MCF2L2: variants seen among roughly 807,000 people sequenced by gnomAD.
MCF2L2 encodes the protein probable guanine nucleotide exchange factor MCF2L2.
MCF2L2 carries 102 observed loss-of-function variants against 150.2 expected under a neutral mutation model. The ratio of observed to expected loss-of-function variants is 0.68; its 90% CI spans 0.58 to 0.80. The LOEUF is 0.80. Among genes scored for constraint, MCF2L2 ranks in the 30% least tolerant of loss-of-function variants. MCF2L2 has a pLI of 0.00. For synonymous variants in MCF2L2, 465 were observed against 491.3 expected (o/e 0.95, Z 0.71); for missense variants, 1,256 against 1,372.8 (o/e 0.91, Z 1.34).
chr3:183,195,399 T>C lies in MCF2L2; in HGVS notation c.2885-144A>G. 3 of 587,328 alleles carry C rather than the reference T, an allele frequency of 5.1e-6. No individual in the cohort carries two copies. In the East Asian group the frequency reaches 9.6e-5, roughly 19 times the overall value. 36.4% of individuals were successfully genotyped at this position (587,328 alleles called of 1,614,324 possible). A position where few individuals can be genotyped will look rare whatever the true frequency, so the allele number is the denominator to read the frequency against. On this transcript the variant is annotated intron_variant, in intron 25 of 29. Coordinates refer to ENST00000328913, the MANE Select transcript of MCF2L2 (RefSeq NM_015078.4). ...AGGTGTGTAGGTCTTGATCATATTTTCCCAGGAATTCAGAAAACGCTGCTA... is the reference window on the plus strand; with the variant it reads ...AGGTGTGTAGGTCTTGATCATATTTCCCCAGGAATTCAGAAAACGCTGCTA...
At chr3:183,323,116 A>G (rs1729879759) in intron 6 of MCF2L2, 119 bp downstream of exon 6, 2 of 643,890 alleles carry the variant, frequency 3.1e-6, no homozygotes, top group East Asian at 2.8e-5. Context: ...AGAAATCCCA[A>G]CCACCCCAAG....
intron 3 of MCF2L2, among the ~76,000 whole-genome samples, chr3:183,359,576 T>C (rs1340020441): frequency 6.6e-6 from 1 of 152,248 alleles, no homozygotes; most frequent in Non-Finnish European, 1.5e-5. Flanking sequence ...TTATGTCATG[T>C]ATTTTCCCCC....
At chr3:183,272,020 AAT>A (rs1726822671) in intron 15 of MCF2L2, 1 of 444,370 alleles carries the variant, frequency 2.3e-6, no homozygotes, top group Non-Finnish European at 3.1e-6. Flanking sequence ...TCAAAGTTAT[AAT>A]ATCTAAAACA....
In MCF2L2 at chr3:183,406,417, T is replaced by G. The variant is rs574898086; in HGVS notation, c.77-16638A>C. On this transcript the variant is annotated intron_variant, in intron 1 of 29. Coordinates refer to ENST00000328913, the MANE Select transcript of MCF2L2 (RefSeq NM_015078.4). ...CCATTTTTAAATTGGGTCATTTGAGTATTTTATTACTCAGCTTGAGAGTTC... is the reference window on the plus strand; with the variant it reads ...CCATTTTTAAATTGGGTCATTTGAGGATTTTATTACTCAGCTTGAGAGTTC... Among the ~76,000 whole-genome samples the G allele has an allele frequency of 2.6e-5, 4 of 152,318 alleles. No individual in the cohort carries two copies. In the East Asian group the frequency reaches 7.7e-4, roughly 29 times the overall value.
intron 2 of MCF2L2, among the ~76,000 whole-genome samples, 177 bp from the exon 3 acceptor site, chr3:183,379,588 G>A (rs1431131954): frequency 6.6e-6 from 1 of 152,112 alleles, no homozygotes; most frequent in Non-Finnish European, 1.5e-5. Context: ...ATTCATGCTG[G>A]CTCCATGGCA....
At chr3:183,205,769 G>A in intron 25 of MCF2L2, 107 bp downstream of exon 25, 1 of 808,774 alleles carries the variant, frequency 1.2e-6, no homozygotes, top group Non-Finnish European at 2.0e-6. Context: ...GGCCACAGTT[G>A]TTTTCCCAGC....
chr3:183,397,055 CATTT>C (rs1352982694), intron 1 of MCF2L2, among the ~76,000 whole-genome samples: 9 of 152,156 alleles, frequency 5.9e-5, no homozygotes, highest in Admixed American at 1.3e-4. Flanking sequence ...GTTTTATGGT[CATTT>C]GTTACAGCAG....
rs1729462067 is a variant in MCF2L2, at chr3:183,313,275, G to A, written c.754-1503C>T. ...CACACACATATCCATATGTGAGGAA[G>A]AGTTGGGAAGAAAGGTGGAGAGGCT... On this transcript the variant is annotated intron_variant, in intron 7 of 29. Coordinates refer to ENST00000328913, the MANE Select transcript of MCF2L2 (RefSeq NM_015078.4). Among the ~76,000 whole-genome samples the A allele has an allele frequency of 1.3e-5, 2 of 150,450 alleles. 1 individual carries two copies. Among genetic ancestry groups the A allele is most frequent in the Admixed American group, 1.3e-4 (2 of 15,176 alleles).
chr3:183,238,716 G>A (rs982389661), intron 15 of MCF2L2, among the ~76,000 whole-genome samples: 1 of 151,342 alleles, frequency 6.6e-6, no homozygotes, highest in Non-Finnish European at 1.5e-5. Flanking sequence ...AAAGACTCTC[G>A]GCCGGGCGCG....
rs748403873 is a variant in MCF2L2, at chr3:183,379,269, AGGCG to A, written c.275+24_275+27del. The A allele has an allele frequency of 3.5e-5, 53 of 1,532,652 alleles. No individual in the cohort carries two copies. The East Asian group carries it at 1.2e-3, about 36-fold the overall frequency. The allele number at this position is 1,532,652 out of a possible 1,614,324, so 94.9% of individuals were successfully genotyped here. On this transcript the variant is annotated intron_variant, in intron 3 of 29. Transcript: ENST00000328913. ...AAGTGTGGAATAAAGCCAGTGCCTA[AGGCG>A]GCAGGACACTGTGCTCAGCTCACCT...
Position 183,341,416 on chromosome 3 carries a change from G to A in MCF2L2, c.366+124C>T, listed in dbSNP as rs976230096. 1.4e-5 allele frequency: 10 copies of A among 725,118 alleles called. No homozygotes were observed. In the Admixed American group the frequency reaches 2.2e-4, roughly 16 times the overall value. 44.9% of individuals were successfully genotyped at this position (725,118 alleles called of 1,614,324 possible). On this transcript the variant is annotated intron_variant, in intron 4 of 29. Coordinates refer to ENST00000328913, the MANE Select transcript of MCF2L2 (RefSeq NM_015078.4). ...ATAGGGATGTGACATAACAGCACCTGTTACAAAGACCTTCCCAAAATTTGA... is the reference window on the plus strand; with the variant it reads ...ATAGGGATGTGACATAACAGCACCTATTACAAAGACCTTCCCAAAATTTGA...
chr3:183,323,237 T>G lies in MCF2L2; in HGVS notation c.601A>C (p.Thr201Pro), dbSNP rs1474205720. 6.2e-7 allele frequency: 1 copy of G among 1,603,652 alleles called. No homozygotes were observed. Residue 201 changes from threonine to proline, a missense_variant and splice_region_variant, in exon 6 of 30, where the codon ACT becomes CCT. Coordinates refer to ENST00000328913, the MANE Select transcript of MCF2L2 (RefSeq NM_015078.4). The part of the protein sequence containing the change: ...YRHGQWVNHR[T>P]AIENFALTLK... ...AGCACACGTAAGCTGGTACTCACAG[T>G]GCGGTGATTTACCCACTGACCGTGG...
chr3:183,279,176 T>A (rs7434257), intron 14 of MCF2L2, among the ~76,000 whole-genome samples: 1 of 151,116 alleles, frequency 6.6e-6, no homozygotes, highest in Non-Finnish European at 1.5e-5. Context: ...CACACACACA[T>A]ACACACACAC....
Position 183,427,999 on chromosome 3 carries a change from A to G in MCF2L2, c.-22T>C, listed in dbSNP as rs1390398228. On this transcript the variant is annotated 5_prime_UTR_variant, in exon 1 of 30. Coordinates refer to ENST00000328913, the MANE Select transcript of MCF2L2 (RefSeq NM_015078.4). ...GCATTTCACTGAAAAACCATTCCGTATAAATAAAGCCAAACAAAACTGTTT... is the reference window on the plus strand; with the variant it reads ...GCATTTCACTGAAAAACCATTCCGTGTAAATAAAGCCAAACAAAACTGTTT... The G allele has an allele frequency of 1.3e-6, 2 of 1,593,386 alleles. No individual in the cohort carries two copies. The highest frequency in any genetic ancestry group is 2.2e-5 in the South Asian group (2 of 90,576).
At chr3:183,349,040 A>G (rs1469936322) in intron 3 of MCF2L2, among the ~76,000 whole-genome samples, 2 of 152,224 alleles carry the variant, frequency 1.3e-5, no homozygotes, top group Non-Finnish European at 2.9e-5. Context: ...TCAAATGCTC[A>G]TGGAATATTT....
At chr3:183,211,127 ACAGT>A (rs1282459193) in intron 22 of MCF2L2, among the ~76,000 whole-genome samples, 6 of 152,176 alleles carry the variant, frequency 3.9e-5, no homozygotes, top group Non-Finnish European at 7.3e-5. Context: ...AGGGAAAAAA[ACAGT>A]CAGTAGGTGG....
rs1343270162 is a variant in MCF2L2, at chr3:183,200,439, C to T, written c.2885-5184G>A. On this transcript the variant is annotated intron_variant, in intron 25 of 29. Coordinates refer to ENST00000328913, the MANE Select transcript of MCF2L2 (RefSeq NM_015078.4). ...TAAATGTCTTCTTTTGAGAAGTGAC[C>T]GTTCATATCTTTTGCCCACTTTTTG... Among the ~76,000 whole-genome samples the T allele has an allele frequency of 5.3e-5, 8 of 152,142 alleles. No homozygotes were observed. In the East Asian group the frequency reaches 5.8e-4, roughly 11 times the overall value.
At chr3:183,216,195 C>T (rs1722903885) in intron 21 of MCF2L2, 101 bp from the exon 22 acceptor site, 1 of 1,294,382 alleles carries the variant, frequency 7.7e-7, no homozygotes, top group Non-Finnish European at 1.1e-6. Context: ...CCAGCCAACC[C>T]TGACTGAGAA....
intron 15 of MCF2L2, among the ~76,000 whole-genome samples, chr3:183,269,230 C>CTGTTTTTTTTTTTTTTTTTTTT (rs1726467965): frequency 1.2e-5 from 1 of 81,030 alleles, no homozygotes; most frequent in African/African-American, 6.4e-5. Context: ...GTTTGGGAAG[C>CTGTTTTTTTTTTTTTTTTTTTT]TTTTTTTTTT....
Sources: gnomAD v4.1 joint callset for allele counts (sites outside exome capture counted in the v4.1 genomes callset) on GRCh38, gnomAD v4.1.1 for gene constraint, MANE v1.5 for transcripts, NCBI Gene and HGNC (gene_info 2026-07-23, HGNC 2026-07-21) for gene names.